FAT2: variants seen among roughly 807,000 people sequenced by gnomAD.
FAT2 encodes FAT atypical cadherin 2.
In FAT2, 150 loss-of-function variants were observed where a neutral mutation model predicts 295.3. The observed-to-expected ratio is 0.51, with a 90% confidence interval of 0.44 to 0.58. FAT2 has a LOEUF of 0.58. Among genes scored for constraint, FAT2 ranks in the 20% least tolerant of loss-of-function variants. The pLI, the probability that FAT2 is intolerant of heterozygous loss-of-function variation, is 0.00. For synonymous variants in FAT2, 2,026 were observed against 2,150.3 expected (o/e 0.94, Z 1.60); for missense variants, 4,868 against 5,442.7 (o/e 0.89, Z 3.32).
intron 5 of FAT2, 28 bp downstream of exon 5, chr5:151,554,334 C>A (rs2127629992): frequency 6.3e-7 from 1 of 1,591,424 alleles, no homozygotes; most frequent in Non-Finnish European, 8.6e-7. Flanking sequence ...GCCACTCCTC[C>A]CTCCGTGGCT....
chr5:151,589,246 C>T (rs1252097678), intron 1 of FAT2, among the ~76,000 whole-genome samples: 2 of 152,204 alleles, frequency 1.3e-5, no homozygotes, highest in African/African-American at 2.4e-5. Context: ...CAGACACACA[C>T]AGGCTGTCTC....
At chr5:151,527,743 C>T (rs1018071869) in intron 16 of FAT2, among the ~76,000 whole-genome samples, 10 of 152,172 alleles carry the variant, frequency 6.6e-5, no homozygotes, top group Admixed American at 5.2e-4. Context: ...TTATAATGAT[C>T]TAATGATCCC....
chr5:151,575,442 C>T lies in FAT2; in HGVS notation c.-20-6491G>A, dbSNP rs566667852. On this transcript the variant is annotated intron_variant, in intron 1 of 23. Transcript: ENST00000261800. Reference sequence around the variant, plus strand: ...AGCTCTCAGTTTATCAACTGTGTGGCCATGGGTAGTTATTTAACCTTGCTG... The same window carrying T: ...AGCTCTCAGTTTATCAACTGTGTGGTCATGGGTAGTTATTTAACCTTGCTG... Among the ~76,000 whole-genome samples, 4 of 152,276 alleles carry T rather than the reference C, an allele frequency of 2.6e-5. 1 individual carries two copies. Among genetic ancestry groups the T allele is most frequent in the African/African-American group, 9.6e-5 (4 of 41,542 alleles).
At chr5:151,556,846 A>C (rs1201430526) in intron 3 of FAT2, among the ~76,000 whole-genome samples, 1 of 152,216 alleles carries the variant, frequency 6.6e-6, no homozygotes, top group Non-Finnish European at 1.5e-5. Flanking sequence ...TTAGACTTAC[A>C]GCATTTTCAA....
chr5:151,543,646 G>A lies in FAT2; in HGVS notation c.7481C>T (p.Ala2494Val), dbSNP rs749953641. The A allele has an allele frequency of 6.2e-7, 1 of 1,614,142 alleles. No individual in the cohort carries two copies. The highest frequency in any genetic ancestry group is 8.5e-7 in the Non-Finnish European group (1 of 1,180,022). ...HLYEAELAEN[A>V]MVGTKVIDLL... ...ATCAATCACCTTGGTTCCAACCATT[G>A]CATTCTCTGCTAATTCTGCCTCATA... The change falls in exon 10 of 24, where the codon GCA becomes GTA. Residue 2494 changes from alanine (A) to valine (V), a missense_variant. Physicochemically the swap from Ala to Val is moderately conservative, Grantham distance 64. Around this residue, in one of 5 missense-constraint regions of FAT2, gnomAD observed 3,297 missense variants for 3,669.4 expected, o/e 0.90. Coordinates refer to ENST00000261800, the MANE Select transcript of FAT2 (RefSeq NM_001447.3).
intron 13 of FAT2, among the ~76,000 whole-genome samples, chr5:151,533,011 C>T (rs1224907632): frequency 3.9e-5 from 6 of 152,160 alleles, no homozygotes; most frequent in Admixed American, 3.3e-4. Flanking sequence ...TCAAACCACA[C>T]CTGGATTATT....
Position 151,531,689 on chromosome 5 carries a change from C to A in FAT2, c.9709G>T (p.Val3237Leu), listed in dbSNP as rs764764595. 7 of 1,613,864 alleles carry A rather than the reference C, an allele frequency of 4.3e-6. No individual in the cohort carries two copies. The South Asian group carries it at 5.5e-5, about 13-fold the overall frequency. ...CGAGTGAGGGTGGCCAGCTGCAGCACCTCCGTGCCAGGTGGGGCGTCCTCG... is the reference window on the plus strand; with the variant it reads ...CGAGTGAGGGTGGCCAGCTGCAGCAACTCCGTGCCAGGTGGGGCGTCCTCG... ...VPEDAPPGTE[V>L]LQLATLTRPG... Residue 3237 changes from valine (V) to leucine (L), a missense_variant, in exon 14 of 24, where the codon GTG becomes TTG. Around this residue, in one of 5 missense-constraint regions of FAT2, gnomAD observed 1,046 missense variants for 1,210.1 expected, o/e 0.86. Coordinates refer to ENST00000261800, the MANE Select transcript of FAT2 (RefSeq NM_001447.3). This position sits in a 1 kb window ranked among gnomAD's most constrained non-coding sequence, Gnocchi z 5.7.
intron 6 of FAT2, among the ~76,000 whole-genome samples, chr5:151,552,162 C>A (rs539762593): frequency 6.6e-6 from 1 of 152,228 alleles, no homozygotes; most frequent in African/African-American, 2.4e-5. Context: ...CTCACTCTGT[C>A]ACCCAGGCTG....
In FAT2 at chr5:151,568,973, G is replaced by A. The variant is rs763409742; in HGVS notation, c.-20-22C>T. On this transcript the variant is annotated intron_variant, in intron 1 of 23. Coordinates refer to ENST00000261800, the MANE Select transcript of FAT2 (RefSeq NM_001447.3). ...AACCCTGGGCAGAAAATAAAAGACA[G>A]GGTGCAAGTTAGGGGGAAAAAATGG... 6 of 1,549,212 alleles carry A rather than the reference G, an allele frequency of 3.9e-6. No individual in the cohort carries two copies. In the East Asian group the frequency reaches 1.1e-4, roughly 29 times the overall value.
chr5:151,522,603 CAATA>C (rs1176813770), intron 18 of FAT2, among the ~76,000 whole-genome samples: 1 of 152,104 alleles, frequency 6.6e-6, no homozygotes, highest in Non-Finnish European at 1.5e-5. Flanking sequence ...AGAAAAGAGA[CAATA>C]AATAAGTTAC....
In FAT2 at chr5:151,544,395, T is replaced by C; in HGVS notation, c.6732A>G (p.Arg2244=). The C allele has an allele frequency of 6.2e-7, 1 of 1,614,182 alleles. No homozygotes were observed. Among genetic ancestry groups the C allele is most frequent in the Non-Finnish European group, 8.5e-7 (1 of 1,180,034 alleles). Reference sequence around the variant, plus strand: ...ATGACCCCAGAGCTGTATCCGTGGCTCTGACTGTGAACACATGTTTGGTCT... The same window carrying C: ...ATGACCCCAGAGCTGTATCCGTGGCCCTGACTGTGAACACATGTTTGGTCT... ...ESKTKHVFTV[R]ATDTALGSFS... Residue 2244 remains arginine (R), a synonymous_variant, in exon 10 of 24, where the codon AGA becomes AGG. Coordinates refer to ENST00000261800, the MANE Select transcript of FAT2 (RefSeq NM_001447.3).
intron 9 of FAT2, among the ~76,000 whole-genome samples, chr5:151,548,286 GTAT>G (rs772548773): frequency 2.7e-4 from 41 of 151,716 alleles, no homozygotes; most frequent in Non-Finnish European, 4.4e-4. Flanking sequence ...GCTCTATGAA[GTAT>G]TATTATTAAA....
intron 1 of FAT2, among the ~76,000 whole-genome samples, chr5:151,590,285 G>A (rs148923329): frequency 4.6e-5 from 7 of 152,300 alleles, no homozygotes; most frequent in African/African-American, 1.2e-4. Flanking sequence ...GAGTCCAGGC[G>A]CCAGCTCCAG....
Position 151,567,752 on chromosome 5 carries a change from G to T in FAT2, c.1180C>A (p.Gln394Lys). The stretch of plus-strand genomic sequence containing the variant: ...TCTGAAGATGGCTTTAGAACATACT[G>T]CAGGTTGGGGAAGGCTGGGGTGACT... The part of the protein sequence containing the change: ...VRVTPAFPNL[Q>K]YVLKPSSENV... Residue 394 changes from glutamine to lysine, a missense_variant, in exon 2 of 24, where the codon CAG becomes AAG. Gln to Lys is a moderately conservative substitution (Grantham distance 53, BLOSUM62 1). Transcript: ENST00000261800. The T allele has an allele frequency of 6.2e-7, 1 of 1,614,190 alleles. No homozygotes were observed. Among genetic ancestry groups the T allele is most frequent in the South Asian group, 1.1e-5 (1 of 91,076 alleles).
chr5:151,531,992 T>C lies in FAT2; in HGVS notation c.9428-22A>G. ...GCGCCTGGCAGGGAGACCAAGGGTG[T>C]GATCCACACTGAGGGCGCCTCCTCT... On this transcript the variant is annotated intron_variant, in intron 13 of 23. Coordinates refer to ENST00000261800, the MANE Select transcript of FAT2 (RefSeq NM_001447.3). The surrounding 1 kb of genome is among the most constrained non-coding windows in gnomAD (Gnocchi z 5.7). 2 of 1,611,754 alleles carry C rather than the reference T, an allele frequency of 1.2e-6. No individual in the cohort carries two copies. The highest frequency in any genetic ancestry group is 1.7e-6 in the Non-Finnish European group (2 of 1,178,880).
rs1015109395 is a variant in FAT2, at chr5:151,578,594, A to G, written c.-20-9643T>C. On this transcript the variant is annotated intron_variant, in intron 1 of 23. Coordinates refer to ENST00000261800, the MANE Select transcript of FAT2 (RefSeq NM_001447.3). ...AAAAAATAAAAAAAAGAACTACCAT[A>G]TGCTCCAGCAATCCCACCACTGGGT... Among the ~76,000 whole-genome samples the G allele has an allele frequency of 8.5e-5, 13 of 152,368 alleles. 1 individual carries two copies. The highest frequency in any genetic ancestry group is 7.2e-4 in the Admixed American group (11 of 15,306).
At chr5:151,519,831 C>G (rs550725287) in intron 19 of FAT2, among the ~76,000 whole-genome samples, 114 of 152,112 alleles carry the variant, frequency 7.5e-4, no homozygotes, top group Non-Finnish European at 1.4e-3. Flanking sequence ...AATGCAAGCC[C>G]TTGCACCTGC....
chr5:151,567,208 T>C lies in FAT2; in HGVS notation c.1724A>G (p.Gln575Arg). 2 of 1,614,212 alleles carry C rather than the reference T, an allele frequency of 1.2e-6. No individual in the cohort carries two copies. Among genetic ancestry groups the C allele is most frequent in the Non-Finnish European group, 8.5e-7 (1 of 1,180,032 alleles). The change falls in exon 2 of 24, where the codon CAA becomes CGA. Residue 575 changes from glutamine to arginine, a missense_variant. This residue lies in a region of FAT2 where 3,297 missense variants were observed against 3,669.4 expected (regional missense o/e 0.90). Coordinates refer to ENST00000261800, the MANE Select transcript of FAT2 (RefSeq NM_001447.3). ...EEVNCTGSIRQDWPVGKSIMT... is the reference protein window; with the variant it reads ...EEVNCTGSIRRDWPVGKSIMT... ...TATCGATTTCCCTACTGGCCAGTCT[T>C]GGCGGATAGACCCTGTACAGTTGAC... is the stretch of plus-strand genomic sequence containing the variant.
rs1756639618 is a variant in FAT2, at chr5:151,546,423, A to G, written c.4790-86T>C. The G allele has an allele frequency of 3.6e-5, 37 of 1,021,042 alleles. No homozygotes were observed. The South Asian group carries it at 5.7e-4, about 16-fold the overall frequency. 63.2% of individuals were successfully genotyped at this position (1,021,042 alleles called of 1,614,324 possible). A position where few individuals can be genotyped will look rare whatever the true frequency, so the allele number is the denominator to read the frequency against. On this transcript the variant is annotated intron_variant, in intron 9 of 23. Transcript: ENST00000261800. ...TCTAGATCAGTAAAGGGTCTATCACACAAAACCTGGACAGAGCAAAATCTG... is the reference window on the plus strand; with the variant it reads ...TCTAGATCAGTAAAGGGTCTATCACGCAAAACCTGGACAGAGCAAAATCTG...
Sources: gnomAD v4.1 joint callset for allele counts (sites outside exome capture counted in the v4.1 genomes callset) on GRCh38, gnomAD v4.1.1 for gene constraint, gnomAD v4.1.1 regional missense constraint, Gnocchi (gnomAD v3.1) non-coding constraint, MANE v1.5 for transcripts, NCBI Gene and HGNC (gene_info 2026-07-23, HGNC 2026-07-21) for gene names.